Variants in AGBL4 observed in about 807,000 individuals in gnomAD.
AGBL4 encodes the protein cytosolic carboxypeptidase 6.
Under a neutral mutation model 66.4 loss-of-function variants are expected in AGBL4, and 58 were observed. That is an observed-to-expected ratio of 0.87 (90% CI 0.71 to 1.09). The LOEUF (loss-of-function observed/expected upper bound fraction) is 1.09. Among genes scored for constraint, AGBL4 ranks in the 50% least tolerant of loss-of-function variants. The pLI is 0.00. For missense variants in AGBL4, 579 were observed against 631.0 expected, an observed-to-expected ratio of 0.92 and a Z score of 0.88; for synonymous variants, 234 against 222.9, an observed-to-expected ratio of 1.05 and a Z score of -0.44.
intron 3 of AGBL4, among the ~76,000 whole-genome samples, chr1:49,460,596 G>A (rs572211626): frequency 1.3e-5 from 2 of 151,598 alleles, no homozygotes; most frequent in African/African-American, 4.8e-5. Context: ...TACATTCAAC[G>A]TTAGGATTGA....
At chr1:49,748,385 C>T (rs916226987) in intron 2 of AGBL4, among the ~76,000 whole-genome samples, 2 of 152,102 alleles carry the variant, frequency 1.3e-5, no homozygotes, top group Non-Finnish European at 2.9e-5. Flanking sequence ...TGTATATGTG[C>T]CACATTTTCT....
intron 6 of AGBL4, among the ~76,000 whole-genome samples, chr1:48,685,783 A>G (rs1018805626): frequency 6.6e-6 from 1 of 152,184 alleles, no homozygotes; most frequent in African/African-American, 2.4e-5. Flanking sequence ...TGAAAACTGA[A>G]TTACCAAAAT....
chr1:49,941,879 G>A (rs945294039), intron 1 of AGBL4, among the ~76,000 whole-genome samples: 1 of 151,992 alleles, frequency 6.6e-6, no homozygotes, highest in Non-Finnish European at 1.5e-5. Flanking sequence ...GACAGTACAA[G>A]CCAGAGTAAT....
chr1:49,640,943 G>A (rs934615366), intron 3 of AGBL4, among the ~76,000 whole-genome samples: 5 of 152,060 alleles, frequency 3.3e-5, no homozygotes, highest in African/African-American at 1.2e-4. Flanking sequence ...AAAGCTCTTA[G>A]AACAATCCTT....
chr1:48,602,397 T>C (rs1645086378), intron 9 of AGBL4, among the ~76,000 whole-genome samples: 2 of 152,222 alleles, frequency 1.3e-5, no homozygotes, highest in South Asian at 4.1e-4. Context: ...ATCTTCCTGC[T>C]TTGCAGTATT....
chr1:48,699,462 C>A (rs1343260756), intron 6 of AGBL4, among the ~76,000 whole-genome samples: 1 of 152,170 alleles, frequency 6.6e-6, no homozygotes, highest in Non-Finnish European at 1.5e-5. Context: ...CATCAGCCCA[C>A]CTCATGCAAC....
chr1:48,724,936 C>T (rs1472054582), intron 6 of AGBL4, among the ~76,000 whole-genome samples: 1 of 152,144 alleles, frequency 6.6e-6, no homozygotes, highest in Non-Finnish European at 1.5e-5. Context: ...TCTTCTTCTA[C>T]ACAACTCACT....
At chr1:49,603,216 TA>T (rs1644995766) in intron 3 of AGBL4, among the ~76,000 whole-genome samples, 1 of 152,114 alleles carries the variant, frequency 6.6e-6, no homozygotes, top group African/African-American at 2.4e-5. Flanking sequence ...AACTAAGTAA[TA>T]TTATATAGGG....
chr1:49,004,157 C>T (rs1054709180), intron 5 of AGBL4, among the ~76,000 whole-genome samples: 1 of 152,188 alleles, frequency 6.6e-6, no homozygotes, highest in Non-Finnish European at 1.5e-5. Flanking sequence ...TATATGGGAT[C>T]CTCCAAATAA....
chr1:49,684,402 A>G (rs1451365056), intron 3 of AGBL4, among the ~76,000 whole-genome samples: 1 of 152,166 alleles, frequency 6.6e-6, no homozygotes, highest in Non-Finnish European at 1.5e-5. Flanking sequence ...AGCAATATTT[A>G]TAAGTTTATG....
chr1:48,837,584 G>C (rs957237526), intron 6 of AGBL4, among the ~76,000 whole-genome samples: 3 of 151,122 alleles, frequency 2.0e-5, no homozygotes, highest in African/African-American at 7.3e-5. Flanking sequence ...TTCGGGACTG[G>C]GACTGGCTTC....
intron 5 of AGBL4, among the ~76,000 whole-genome samples, chr1:49,006,523 C>G (rs1322934078): frequency 1.3e-5 from 2 of 152,204 alleles, no homozygotes; most frequent in Non-Finnish European, 2.9e-5. Context: ...GTGGAGCCCA[C>G]CACAGCTCAA....
At chr1:49,620,213 A>G (rs191851607) in intron 3 of AGBL4, among the ~76,000 whole-genome samples, 247 of 152,348 alleles carry the variant, frequency 1.6e-3, no homozygotes, top group Non-Finnish European at 2.7e-3. Flanking sequence ...AAATCTTGCA[A>G]TCTATCCATC....
At chr1:48,841,727 T>G (rs972599168) in intron 6 of AGBL4, among the ~76,000 whole-genome samples, 2 of 152,106 alleles carry the variant, frequency 1.3e-5, no homozygotes, top group Non-Finnish European at 2.9e-5. Flanking sequence ...ATTTATGGTT[T>G]TCGATGGATC....
At chr1:49,048,839 A>G (rs1644143980) in intron 4 of AGBL4, among the ~76,000 whole-genome samples, 1 of 151,810 alleles carries the variant, frequency 6.6e-6, no homozygotes. Context: ...TCACAAGATC[A>G]GTGAGCAGCA....
chr1:48,616,496 G>A (rs906105144), intron 9 of AGBL4, among the ~76,000 whole-genome samples: 2 of 152,128 alleles, frequency 1.3e-5, no homozygotes, highest in African/African-American at 2.4e-5. Flanking sequence ...GAAGCACAGC[G>A]CACTGCAAGC....
At chr1:49,512,146 C>A (rs1649327272) in intron 3 of AGBL4, among the ~76,000 whole-genome samples, 1 of 151,918 alleles carries the variant, frequency 6.6e-6, no homozygotes. Context: ...TGGAATATTT[C>A]TGCATTTCAG....
chr1:48,660,138 C>A (rs993877967), intron 7 of AGBL4, among the ~76,000 whole-genome samples: 1 of 152,176 alleles, frequency 6.6e-6, no homozygotes, highest in Non-Finnish European at 1.5e-5. Flanking sequence ...GATAGTTTGG[C>A]CTCACAGAGG....
intron 6 of AGBL4, among the ~76,000 whole-genome samples, chr1:48,723,011 G>T (rs988764358): frequency 1.3e-5 from 2 of 152,168 alleles, no homozygotes; most frequent in Non-Finnish European, 2.9e-5. Context: ...AGCTCGGAGA[G>T]GTTAAGAATT....
Sources: gnomAD v4.1 joint callset for allele counts (sites outside exome capture counted in the v4.1 genomes callset) on GRCh38, gnomAD v4.1.1 for gene constraint, MANE v1.5 for transcripts, NCBI Gene and HGNC (gene_info 2026-07-23, HGNC 2026-07-21) for gene names.